LAMB3: variants seen among roughly 807,000 people sequenced by gnomAD.
LAMB3 encodes laminin subunit beta 3.
In LAMB3, 104 loss-of-function variants were observed where a neutral mutation model predicts 140.3. The observed-to-expected ratio is 0.74, with a 90% CI of 0.63 to 0.87. LAMB3 has a LOEUF of 0.87. Among genes scored for constraint, LAMB3 ranks in the 40% least tolerant of loss-of-function variants. LAMB3 has a pLI of 0.00. For synonymous variants in LAMB3, 592 were observed against 602.9 expected, an observed-to-expected ratio of 0.98 and a Z score of 0.26; for missense variants, 1,531 against 1,575.2, an observed-to-expected ratio of 0.97 and a Z score of 0.47.
Position 209,622,555 on chromosome 1 carries a change from C to G in LAMB3, c.2682G>C (p.Gln894His). The change falls in exon 18 of 23, where the codon CAG becomes CAC. Residue 894 changes from glutamine to histidine, a missense_variant. Coordinates refer to ENST00000356082, the MANE Select transcript of LAMB3 (RefSeq NM_000228.3). ...DVRRTRLLIQQVRDFLTDPDT... is the reference protein window; with the variant it reads ...DVRRTRLLIQHVRDFLTDPDT... ...GCTCACCTGTTAGGAAGTCCCGGAC[C>G]TGCTGGATTAGGAGCCGTGTGCGTC... The G allele has an allele frequency of 6.2e-7, 1 of 1,614,052 alleles. No individual in the cohort carries two copies. Among genetic ancestry groups the G allele is most frequent in the Non-Finnish European group, 8.5e-7 (1 of 1,180,008 alleles).
chr1:209,627,462 T>C lies in LAMB3; in HGVS notation c.1406A>G (p.His469Arg). 4 of 1,613,828 alleles carry C rather than the reference T, an allele frequency of 2.5e-6. No individual in the cohort carries two copies. The highest frequency in any genetic ancestry group is 3.4e-6 in the Non-Finnish European group (4 of 1,179,962). ...GPKCDQCAPY[H>R]WKLASGQGCE... is the part of the protein sequence containing the mutation. ...GCCCTGGCCACTGGCCAGCTTCCAG[T>C]GGTAGGGAGCACACTGGTCACATTT... Residue 469 changes from histidine (H) to arginine (R), a missense_variant, in exon 12 of 23, where the codon CAC (histidine) becomes CGC (arginine). Physicochemically the swap from His to Arg is conservative, Grantham distance 29 (BLOSUM62 0). Transcript: ENST00000356082.
chr1:209,622,510 C>T, intron 18 of LAMB3, 26 bp downstream of exon 18: 1 of 1,613,030 alleles, frequency 6.2e-7, no homozygotes, highest in Non-Finnish European at 8.5e-7. Context: ...GAACAGCAGC[C>T]AAGGTGGGGT....
intron 6 of LAMB3, 91 bp downstream of exon 6, chr1:209,634,356 C>A: frequency 1.5e-6 from 2 of 1,355,562 alleles, no homozygotes; most frequent in Non-Finnish European, 2.1e-6. Context: ...AGGGTGTTTC[C>A]GTCCCTTCTC....
chr1:209,636,210 C>T (rs2282735), intron 5 of LAMB3, among the ~76,000 whole-genome samples: 43,019 of 152,048 alleles, frequency 0.28, 6,371 homozygotes, highest in East Asian at 0.48. Flanking sequence ...GATTTCTCAA[C>T]CGTTCTCACT....
intron 3 of LAMB3, among the ~76,000 whole-genome samples, chr1:209,646,744 A>C (rs1483647802): frequency 2.6e-5 from 4 of 152,228 alleles, no homozygotes. Context: ...GCAGGAGAGA[A>C]GGGTTGGATA....
At position 209,623,963 on chromosome 1, in the gene LAMB3, C is replaced by G; in HGVS notation, c.2014G>C (p.Glu672Gln). ...LQGLQLDLPL[E>Q]EETLSLPRDL... ...CTCGGAAGGGACAACGTCTCCTCCT[C>G]CAGGGGCAGATCCAGCTGCAGGCCC... Residue 672 changes from glutamate (E) to glutamine (Q), a missense_variant, in exon 15 of 23, where the codon GAG becomes CAG. Coordinates refer to ENST00000356082, the MANE Select transcript of LAMB3 (RefSeq NM_000228.3). The surrounding 1 kb of genome is among the most constrained non-coding windows in gnomAD (Gnocchi z 4.2). 6.2e-7 allele frequency: 1 copy of G among 1,614,022 alleles called. No homozygotes were observed. Among genetic ancestry groups the G allele is most frequent in the Non-Finnish European group, 8.5e-7 (1 of 1,180,000 alleles).
In LAMB3 at chr1:209,630,736, C is replaced by T. The variant is rs778372285; in HGVS notation, c.823-1G>A. On this transcript the variant is annotated splice_acceptor_variant, in intron 8 of 22. Coordinates refer to ENST00000356082, the MANE Select transcript of LAMB3 (RefSeq NM_000228.3). LOFTEE classifies it high-confidence loss of function. Reference sequence around the variant, plus strand: ...GCTGGCAGACACAGACATCGTGGACCTGGGAGGGGGACCGTCAGCCATCAG... The same window carrying T: ...GCTGGCAGACACAGACATCGTGGACTTGGGAGGGGGACCGTCAGCCATCAG... The T allele has an allele frequency of 7.4e-6, 12 of 1,613,866 alleles. No homozygotes were observed. Among genetic ancestry groups the T allele is most frequent in the Admixed American group, 1.7e-5 (1 of 60,022 alleles).
intron 3 of LAMB3, among the ~76,000 whole-genome samples, chr1:209,643,140 G>C (rs1447319453): frequency 2.6e-5 from 4 of 152,228 alleles, no homozygotes; most frequent in Non-Finnish European, 5.9e-5. Context: ...AAATAGAGTA[G>C]TTTATGGCAG....
rs2076360 is a variant in LAMB3, at chr1:209,650,754, G to C, written c.28+163C>G. ...GAAACTTCTTCCCCAAAGGCCCAAAGGAATGGGGAAATCTCACAGGTGTCC... is the reference window on the plus strand; with the variant it reads ...GAAACTTCTTCCCCAAAGGCCCAAACGAATGGGGAAATCTCACAGGTGTCC... On this transcript the variant is annotated intron_variant, in intron 2 of 22. Coordinates refer to ENST00000356082, the MANE Select transcript of LAMB3 (RefSeq NM_000228.3). 0.26 allele frequency among the ~76,000 whole-genome samples: 39,891 copies of C among 152,172 alleles called. 5,532 individuals are homozygous for C. The highest frequency in any genetic ancestry group is 0.38 in the Admixed American group (5,805 of 15,288).
Position 209,618,528 on chromosome 1 carries a change from C to G in LAMB3, c.2833G>C (p.Val945Leu). 6.2e-7 allele frequency: 1 copy of G among 1,614,282 alleles called. No individual in the cohort carries two copies. The highest frequency in any genetic ancestry group is 8.5e-7 in the Non-Finnish European group (1 of 1,180,054). ...TTGGTCTGGGACAGCACCAAGTCCA[C>G]GTTGGGGAGCCTGGCTGCAATGGCC... ...IQAIAARLPN[V>L]DLVLSQTKQD... The change falls in exon 19 of 23, where the codon GTG (valine) becomes CTG (leucine). Residue 945 changes from valine (V) to leucine (L), a missense_variant. By Grantham distance (32) the Val-to-Leu change is conservative. Transcript: ENST00000356082.
In LAMB3 at chr1:209,624,416, C is replaced by G. The variant is rs1303356795; in HGVS notation, c.1977-416G>C. Reference sequence around the variant, plus strand: ...TCCCACTCAGCTCCAGATCCCATCACTGCTGCCAGCTGGTCATCCCCCCGA... The same window carrying G: ...TCCCACTCAGCTCCAGATCCCATCAGTGCTGCCAGCTGGTCATCCCCCCGA... On this transcript the variant is annotated intron_variant, in intron 14 of 22. Transcript: ENST00000356082. Among the ~76,000 whole-genome samples the G allele has an allele frequency of 2.0e-5, 3 of 152,248 alleles. No individual in the cohort carries two copies. In the East Asian group the frequency reaches 5.8e-4, roughly 29 times the overall value.
At chr1:209,632,492 T>C in intron 8 of LAMB3, 91 bp downstream of exon 8, 1 of 990,262 alleles carries the variant, frequency 1.0e-6, no homozygotes, top group Admixed American at 2.3e-5. Flanking sequence ...TTAGATTTAG[T>C]GCCCTTCCTG....
At chr1:209,630,485 T>A (rs1175027280) in intron 9 of LAMB3, 130 bp downstream of exon 9, 1 of 1,027,626 alleles carries the variant, frequency 9.7e-7, no homozygotes, top group African/African-American at 1.6e-5. Flanking sequence ...TGAATTGTAA[T>A]GGTGCAATTC....
At chr1:209,632,978 A>C in intron 7 of LAMB3, 92 bp downstream of exon 7, 1 of 1,147,760 alleles carries the variant, frequency 8.7e-7, no homozygotes, top group Non-Finnish European at 1.3e-6. Context: ...TGACAAAAAC[A>C]TGAAAGACCA....
At chr1:209,638,441 C>T (rs938782856) in intron 4 of LAMB3, 93 bp downstream of exon 4, 46 of 827,170 alleles carry the variant, frequency 5.6e-5, no homozygotes, top group Non-Finnish European at 8.7e-5. Flanking sequence ...ATAAGAAATG[C>T]CTGGGAAACC....
At position 209,630,700 on chromosome 1, in the gene LAMB3, G is replaced by T. The variant is rs200006309; in HGVS notation, c.858C>A (p.Ala286=). The T allele has an allele frequency of 1.7e-4, 281 of 1,613,906 alleles. No individual in the cohort carries two copies. The highest frequency in any genetic ancestry group is 2.3e-4 in the Non-Finnish European group (273 of 1,179,990). ...GTGCACAGCGCTCACAATTTGGGCC[G>T]GCAGTGTTGTGCTGGCAGACACAGA... ...HDVCVCQHNT[A]GPNCERCAPF... is the part of the protein sequence containing the mutation. Residue 286 remains alanine (A), a synonymous_variant, in exon 9 of 23, where the codon GCC becomes GCA. Transcript: ENST00000356082.
At chr1:209,634,665 G>T (rs1479877390) in intron 5 of LAMB3, 27 bp from the exon 6 acceptor site, 1 of 1,589,794 alleles carries the variant, frequency 6.3e-7, no homozygotes, top group Admixed American at 1.7e-5. Context: ...AGTGTGCAGA[G>T]GGGAGGCACT....
chr1:209,634,426 T>C (rs763688034), intron 6 of LAMB3, 21 bp downstream of exon 6: 1 of 1,612,264 alleles, frequency 6.2e-7, no homozygotes, highest in South Asian at 1.1e-5. Flanking sequence ...AGGCCTACTT[T>C]TCAGGATTCC....
chr1:209,623,504 C>A lies in LAMB3; in HGVS notation c.2358+1G>T. On this transcript the variant is annotated splice_donor_variant, in intron 16 of 22. Coordinates refer to ENST00000356082, the MANE Select transcript of LAMB3 (RefSeq NM_000228.3). LOFTEE classifies it high-confidence loss of function. The surrounding 1 kb of genome is among the most constrained non-coding windows in gnomAD (Gnocchi z 4.2). The stretch of plus-strand genomic sequence containing the variant: ...AAGTGGGACTCCATGCCCCAAGTCA[C>A]CTTGTTGAAGGTGGGTGTCAGGTCA... 1 of 1,614,078 alleles carries A rather than the reference C, an allele frequency of 6.2e-7. No individual in the cohort carries two copies. The highest frequency in any genetic ancestry group is 8.5e-7 in the Non-Finnish European group (1 of 1,179,924).
Sources: gnomAD v4.1 joint callset for allele counts (sites outside exome capture counted in the v4.1 genomes callset) on GRCh38, gnomAD v4.1.1 for gene constraint, Gnocchi (gnomAD v3.1) non-coding constraint, MANE v1.5 for transcripts, NCBI Gene and HGNC (gene_info 2026-07-23, HGNC 2026-07-21) for gene names.